ZFY: variants seen among roughly 807,000 people sequenced by gnomAD.
The protein encoded by ZFY is zinc finger Y-chromosomal protein.
For missense variants in ZFY, 113 were observed against 170.9 expected, an observed-to-expected ratio of 0.66 and a Z score of 1.89; for synonymous variants, 47 against 55.8, an observed-to-expected ratio of 0.84 and a Z score of 0.71.
intron 3 of ZFY, among the ~76,000 whole-genome samples, chrY:2,966,660 G>A (rs2051328682): frequency 3.0e-5 from 1 of 33,185 alleles, no homozygotes; most frequent in Non-Finnish European, 7.4e-5. Flanking sequence ...AAGAAGTTGC[G>A]TGAATTACAA....
chrY:2,973,989 T>A (rs537693014), intron 3 of ZFY, among the ~76,000 whole-genome samples: 220 of 28,645 alleles, frequency 7.7e-3, no homozygotes, highest in African/African-American at 0.03. Context: ...TACATAAACA[T>A]GAAACAGGCT....
chrY:2,977,324 G>A, intron 6 of ZFY, among the ~76,000 whole-genome samples: 1 of 31,187 alleles, frequency 3.2e-5, no homozygotes, highest in Non-Finnish European at 7.7e-5. Context: ...TGTAAGAAGT[G>A]TGGGAGCTTT....
intron 3 of ZFY, among the ~76,000 whole-genome samples, chrY:2,974,679 T>A (rs2051360298): frequency 3.0e-5 from 1 of 33,897 alleles, no homozygotes. Flanking sequence ...CTGGATGCAG[T>A]GGCTCAAGCT....
At chrY:2,942,119 T>C in intron 1 of ZFY, among the ~76,000 whole-genome samples, 3 of 30,457 alleles carry the variant, frequency 9.8e-5, no homozygotes, top group African/African-American at 3.9e-4. Context: ...TGCCTGAGCC[T>C]AACTTTTGTA....
intron 1 of ZFY, among the ~76,000 whole-genome samples, chrY:2,945,379 T>C (rs2051259276): frequency 3.1e-5 from 1 of 31,996 alleles, no homozygotes; most frequent in East Asian, 8.1e-4. Flanking sequence ...CTTTTTTTTT[T>C]CAGTTTTCTG....
At chrY:2,962,415 T>A in intron 3 of ZFY, among the ~76,000 whole-genome samples, 1 of 33,895 alleles carries the variant, frequency 3.0e-5, no homozygotes, top group Non-Finnish European at 7.4e-5. Flanking sequence ...AATCATTGTG[T>A]CATTTACCTG....
At chrY:2,964,568 T>G in intron 3 of ZFY, among the ~76,000 whole-genome samples, 1 of 32,840 alleles carries the variant, frequency 3.0e-5, no homozygotes, top group Admixed American at 2.8e-4. Flanking sequence ...GAACAATGGT[T>G]AAAAAATTAT....
intron 3 of ZFY, among the ~76,000 whole-genome samples, chrY:2,970,441 A>G: frequency 3.0e-5 from 1 of 33,675 alleles, no homozygotes; most frequent in African/African-American, 1.2e-4. Flanking sequence ...TGGTTTTGAA[A>G]GATGAGACAA....
In ZFY at chrY:2,954,022, C is replaced by A; in HGVS notation, c.61+25C>A. 1.4e-5 allele frequency: 5 copies of A among 349,374 alleles called. No homozygotes were observed. In the Admixed American group the frequency reaches 3.7e-4, roughly 26 times the overall value. 87.1% of individuals were successfully genotyped at this position (349,374 alleles called of 400,897 possible). A position where few individuals can be genotyped will look rare whatever the true frequency, so the allele number is the denominator to read the frequency against. ...GGTATTACTATTTATTGGGTTGTTT[C>A]ACTTCCCATCTGCCAGATTTTGAAT... On this transcript the variant is annotated intron_variant, in intron 2 of 7. Transcript: ENST00000155093.
intron 1 of ZFY, among the ~76,000 whole-genome samples, chrY:2,939,564 A>G (rs2051235032): frequency 6.0e-5 from 2 of 33,485 alleles, no homozygotes; most frequent in African/African-American, 2.3e-4. Flanking sequence ...CTTGAGATTA[A>G]TTACTTGTTT....
intron 1 of ZFY, among the ~76,000 whole-genome samples, chrY:2,948,013 G>A: frequency 3.0e-5 from 1 of 33,707 alleles, no homozygotes; most frequent in Non-Finnish European, 7.4e-5. Flanking sequence ...AAACTCTTGA[G>A]ACTAAGATAA....
chrY:2,979,097 A>G lies in ZFY; in HGVS notation c.1510A>G (p.Met504Val). ...SHAGALFTHK[M>V]VHKEKGANKM... ...TGCAGGGGCTTTGTTTACTCACAAA[A>G]TGGTGCATAAGGAAAAAGGGGCCAA... The change falls in exon 8 of 8, where the codon ATG (methionine) becomes GTG (valine). Residue 504 changes from methionine (M) to valine (V), a missense_variant. Transcript: ENST00000155093. 2.5e-6 allele frequency: 1 copy of G among 399,158 alleles called. No individual in the cohort carries two copies. Among genetic ancestry groups the G allele is most frequent in the Non-Finnish European group, 3.5e-6 (1 of 283,791 alleles).
chrY:2,960,688 T>A, intron 2 of ZFY, among the ~76,000 whole-genome samples: 1 of 33,456 alleles, frequency 3.0e-5, no homozygotes, highest in Non-Finnish European at 7.4e-5. Flanking sequence ...ATTTGTTGTT[T>A]AACTTATATA....
At chrY:2,946,069 TA>T (rs2124501764) in intron 1 of ZFY, among the ~76,000 whole-genome samples, 1 of 33,112 alleles carries the variant, frequency 3.0e-5, no homozygotes, top group African/African-American at 1.2e-4. Flanking sequence ...AAAACTAGAA[TA>T]TGTAATGGTT....
At chrY:2,954,054 C>A in intron 2 of ZFY, 57 bp downstream of exon 2, 1 of 286,708 alleles carries the variant, frequency 3.5e-6, no homozygotes, top group East Asian at 1.0e-4. Flanking sequence ...GAATTACTTA[C>A]CAAAATTGCA....
chrY:2,947,202 A>G (rs919339744), intron 1 of ZFY, among the ~76,000 whole-genome samples: 10 of 34,227 alleles, frequency 2.9e-4, no homozygotes, highest in Non-Finnish European at 6.6e-4. Flanking sequence ...TTTTATTTCT[A>G]TAGATGAAAT....
chrY:2,938,983 T>TTATA (rs765202788), intron 1 of ZFY, among the ~76,000 whole-genome samples: 24 of 5,220 alleles, frequency 4.6e-3, no homozygotes, highest in South Asian at 0.018. Flanking sequence ...CATACAGTGC[T>TTATA]TATATATATA....
At chrY:2,956,914 T>C (rs2051294776) in intron 2 of ZFY, among the ~76,000 whole-genome samples, 1 of 32,743 alleles carries the variant, frequency 3.1e-5, no homozygotes, top group Non-Finnish European at 7.5e-5. Flanking sequence ...TTTTGCTAAG[T>C]GGTTTGTCTT....
At chrY:2,974,977 G>T in intron 3 of ZFY, 118 bp from the exon 4 acceptor site, 1 of 217,473 alleles carries the variant, frequency 4.6e-6, no homozygotes, top group Non-Finnish European at 7.4e-6. Context: ...CAGAATACTT[G>T]TAATATTGTA....
Sources: allele counts gnomAD v4.1 joint callset (sites outside exome capture counted in the v4.1 genomes callset), GRCh38; gene constraint gnomAD v4.1.1; transcripts MANE v1.5; gene names NCBI Gene and HGNC (gene_info 2026-07-23, HGNC 2026-07-21).